The following INTS9 variants were observed in gnomAD, a reference collection of about 807,000 sequenced individuals.
INTS9 encodes protein related to CPSF subunits of 74 kDa.
In INTS9, 55 loss-of-function variants were observed where a neutral mutation model predicts 79.7. That is an observed-to-expected ratio of 0.69 (90% CI 0.56 to 0.86). INTS9 has a LOEUF of 0.86. Among genes scored for constraint, INTS9 ranks in the 40% least tolerant of loss-of-function variants. INTS9 has a pLI of 0.00. For missense variants in INTS9, 721 were observed against 831.5 expected (o/e 0.87, Z 1.64); for synonymous variants, 319 against 325.2 (o/e 0.98, Z 0.20).
intron 1 of INTS9, among the ~76,000 whole-genome samples, chr8:28,880,930 C>G (rs1015955002): frequency 6.8e-6 from 1 of 147,390 alleles, no homozygotes; most frequent in Non-Finnish European, 1.5e-5. Flanking sequence ...ATGTGAGGAG[C>G]GCCTCTGCTG....
intron 6 of INTS9, among the ~76,000 whole-genome samples, chr8:28,830,865 A>C (rs568532808): frequency 6.6e-6 from 1 of 152,284 alleles, no homozygotes; most frequent in South Asian, 2.1e-4. Flanking sequence ...CTTCTCCAAT[A>C]GCGCAAGTTA....
chr8:28,774,408 A>G (rs1227489934), intron 14 of INTS9, among the ~76,000 whole-genome samples: 5 of 152,232 alleles, frequency 3.3e-5, no homozygotes, highest in Non-Finnish European at 1.5e-5. Flanking sequence ...TTGGAGTTCT[A>G]TTTGTAAGGA....
chr8:28,850,572 T>C (rs1049771581), intron 2 of INTS9, among the ~76,000 whole-genome samples: 1 of 152,194 alleles, frequency 6.6e-6, no homozygotes, highest in Admixed American at 6.5e-5. Flanking sequence ...TTTATAATTG[T>C]CCAATCACCC....
At chr8:28,882,667 TA>T (rs1333327808) in intron 1 of INTS9, among the ~76,000 whole-genome samples, 2 of 151,798 alleles carry the variant, frequency 1.3e-5, no homozygotes, top group Non-Finnish European at 2.9e-5. Flanking sequence ...CACCTCTTCA[TA>T]AACATCAGTG....
In INTS9 at chr8:28,835,792, T is replaced by A. The variant is rs187508699; in HGVS notation, c.402-414A>T. ...GGGTGTGGGCAGGACTGTTTTTTTT[T>A]AAATGACAATATTAAGTGAACTTTT... is the stretch of plus-strand genomic sequence containing the variant. On this transcript the variant is annotated intron_variant, in intron 5 of 16. Coordinates refer to ENST00000521022, the MANE Select transcript of INTS9 (RefSeq NM_018250.4). Among the ~76,000 whole-genome samples, 612 of 152,180 alleles carry A rather than the reference T, an allele frequency of 4.0e-3. 1 individual carries two copies. The highest frequency in any genetic ancestry group is 6.6e-3 in the Non-Finnish European group (446 of 67,996).
chr8:28,880,361 T>G (rs984379910), intron 1 of INTS9, among the ~76,000 whole-genome samples: 8 of 151,262 alleles, frequency 5.3e-5, no homozygotes, highest in African/African-American at 1.5e-4. Context: ...CCTCCCTGCC[T>G]GATTCTCCTG....
At chr8:28,854,341 T>C (rs535094932) in intron 2 of INTS9, among the ~76,000 whole-genome samples, 1 of 152,054 alleles carries the variant, frequency 6.6e-6, no homozygotes, top group Non-Finnish European at 1.5e-5. Context: ...TGCAATCTAG[T>C]ATAGGGAGAG....
At chr8:28,880,906 C>T (rs1809712929) in intron 1 of INTS9, among the ~76,000 whole-genome samples, 1 of 147,046 alleles carries the variant, frequency 6.8e-6, no homozygotes, top group African/African-American at 2.5e-5. Flanking sequence ...CTCTGCCCCA[C>T]CGCCCTGTCT....
At chr8:28,860,250 C>A (rs891902819) in intron 1 of INTS9, among the ~76,000 whole-genome samples, 18 of 152,278 alleles carry the variant, frequency 1.2e-4, no homozygotes, top group Non-Finnish European at 2.1e-4. Flanking sequence ...CACACTGACC[C>A]GAAACATTTC....
At chr8:28,817,959 T>TA (rs1485439839) in intron 6 of INTS9, among the ~76,000 whole-genome samples, 1 of 149,576 alleles carries the variant, frequency 6.7e-6, no homozygotes, top group African/African-American at 2.5e-5. Context: ...GTTTGTCTGT[T>TA]ATTGGTGTAT....
intron 10 of INTS9, among the ~76,000 whole-genome samples, chr8:28,792,586 CA>C (rs1563253881): frequency 6.6e-6 from 1 of 151,872 alleles, no homozygotes; most frequent in Admixed American, 6.6e-5. Context: ...CTGGTGCAAT[CA>C]GAATAAAGAT....
intron 4 of INTS9, among the ~76,000 whole-genome samples, chr8:28,843,248 TA>T (rs934694634): frequency 6.6e-6 from 1 of 152,038 alleles, no homozygotes; most frequent in East Asian, 1.9e-4. Context: ...GCAGTCCTGA[TA>T]AAAAAAACCC....
At chr8:28,837,391 C>G (rs1373529177) in intron 5 of INTS9, among the ~76,000 whole-genome samples, 1 of 152,124 alleles carries the variant, frequency 6.6e-6, no homozygotes, top group Admixed American at 6.5e-5. Flanking sequence ...ACAGAGGAGC[C>G]GTCTCCATGA....
chr8:28,768,400 C>T (rs556835671), intron 16 of INTS9, 78 bp from the exon 17 acceptor site: 76 of 1,361,186 alleles, frequency 5.6e-5, no homozygotes, highest in East Asian at 2.1e-4. Flanking sequence ...TTCACAGACT[C>T]GACTGAACTT....
At chr8:28,886,445 C>T (rs1241789245) in intron 1 of INTS9, among the ~76,000 whole-genome samples, 1 of 152,076 alleles carries the variant, frequency 6.6e-6, no homozygotes, top group African/African-American at 2.4e-5. Context: ...ACAGGTTTTG[C>T]CATGTTGCTC....
chr8:28,785,054 G>C (rs926741660), intron 11 of INTS9, among the ~76,000 whole-genome samples: 1 of 152,144 alleles, frequency 6.6e-6, no homozygotes, highest in East Asian at 1.9e-4. Context: ...CCTCGACTTG[G>C]GTCTGAATGC....
At chr8:28,848,598 C>T (rs916625949) in intron 3 of INTS9, among the ~76,000 whole-genome samples, 1 of 152,200 alleles carries the variant, frequency 6.6e-6, no homozygotes, top group Non-Finnish European at 1.5e-5. Flanking sequence ...TGGGAGAAGA[C>T]TCCCCACTCC....
chr8:28,769,058 AG>A lies in INTS9; in HGVS notation c.1801-737del, dbSNP rs1236324428. ...ATTAACAGGGCCCAGGAGCCCTGCAAGGTCTTCAGGGAGGGTGGAAGAGAGC... is the reference window on the plus strand; with the variant it reads ...ATTAACAGGGCCCAGGAGCCCTGCAAGTCTTCAGGGAGGGTGGAAGAGAGC... On this transcript the variant is annotated intron_variant, in intron 16 of 16. Transcript: ENST00000521022. Among the ~76,000 whole-genome samples, 3 of 152,212 alleles carry A rather than the reference AG, an allele frequency of 2.0e-5. No homozygotes were observed. The East Asian group carries it at 5.8e-4, about 29-fold the overall frequency.
intron 6 of INTS9, among the ~76,000 whole-genome samples, chr8:28,814,063 CTT>C (rs200645161): frequency 2.1e-5 from 3 of 144,390 alleles, no homozygotes; most frequent in African/African-American, 7.9e-5. Flanking sequence ...TCAGCCATTT[CTT>C]TTTTTAAAAA....
Sources: allele counts gnomAD v4.1 joint callset (sites outside exome capture counted in the v4.1 genomes callset), GRCh38; gene constraint gnomAD v4.1.1; transcripts MANE v1.5; gene names NCBI Gene and HGNC (gene_info 2026-07-23, HGNC 2026-07-21).